The following PPP4R4 variants were observed in gnomAD, a reference collection of about 807,000 sequenced individuals.
PPP4R4 encodes the protein protein phosphatase 4 regulatory subunit 4.
In PPP4R4, 70 loss-of-function variants were observed where a neutral mutation model predicts 121.8. The ratio of observed to expected loss-of-function variants is 0.57; its 90% CI spans 0.47 to 0.70. PPP4R4 has a LOEUF of 0.70. Among genes scored for constraint, PPP4R4 ranks in the 30% least tolerant of loss-of-function variants. PPP4R4 has a pLI of 0.00. For synonymous variants in PPP4R4, 348 were observed against 355.7 expected (o/e 0.98, Z 0.24); for missense variants, 875 against 1,033.6 (o/e 0.85, Z 2.10).
rs766427508 is a variant in PPP4R4 at position 94,203,482 on chromosome 14, T to G, written c.192-4982T>G. Among the ~76,000 whole-genome samples the G allele has an allele frequency of 1.1e-4, 16 of 152,344 alleles. No individual in the cohort carries two copies. In the East Asian group the frequency reaches 1.3e-3, roughly 13 times the overall value. ...CATATCATTGTTTTCATATCTTTTT[T>G]TTGTTGTTGTTTTGTTCAAATAAAG... On this transcript the variant is annotated intron_variant, in intron 2 of 24. Transcript: ENST00000304338.
chr14:94,254,974 T>C (rs913749322), intron 16 of PPP4R4, among the ~76,000 whole-genome samples: 6 of 152,160 alleles, frequency 3.9e-5, no homozygotes, highest in African/African-American at 7.2e-5. Flanking sequence ...ACTGTACACA[T>C]TACTTTGGTG....
chr14:94,271,413 C>T (rs553360073), intron 23 of PPP4R4, among the ~76,000 whole-genome samples: 1 of 152,276 alleles, frequency 6.6e-6, no homozygotes, highest in East Asian at 1.9e-4. Flanking sequence ...GAAGAAAAAT[C>T]ACATGATCAT....
chr14:94,190,017 TG>T (rs1889507174), intron 2 of PPP4R4, among the ~76,000 whole-genome samples: 1 of 151,700 alleles, frequency 6.6e-6, no homozygotes. Context: ...CCCTTCTTCC[TG>T]TAGGTGCCAG....
At chr14:94,255,713 C>G (rs990530831) in intron 16 of PPP4R4, among the ~76,000 whole-genome samples, 5 of 152,132 alleles carry the variant, frequency 3.3e-5, no homozygotes, top group Non-Finnish European at 7.4e-5. Context: ...AAGAGCTTTT[C>G]CTATTGTTTC....
chr14:94,241,194 ACT>A (rs1442404866), intron 9 of PPP4R4, among the ~76,000 whole-genome samples: 2 of 152,022 alleles, frequency 1.3e-5, no homozygotes, highest in African/African-American at 4.8e-5. Context: ...TAATGCCATA[ACT>A]CTTGGCATTT....
chr14:94,181,334 G>A (rs1447467896), intron 2 of PPP4R4, among the ~76,000 whole-genome samples: 1 of 152,078 alleles, frequency 6.6e-6, no homozygotes, highest in African/African-American at 2.4e-5. Context: ...TGAGTGACCA[G>A]TATTGCTTGC....
rs527471966 is a variant in PPP4R4 at position 94,270,041 on chromosome 14, G to A, written c.2449+3012G>A. Reference sequence around the variant, plus strand: ...TGTAAGCTGTTAGTAGAGGAAATTGGATGAGGGGAATATATGAGAATTATT... The same window carrying A: ...TGTAAGCTGTTAGTAGAGGAAATTGAATGAGGGGAATATATGAGAATTATT... On this transcript the variant is annotated intron_variant, in intron 23 of 24. Coordinates refer to ENST00000304338, the MANE Select transcript of PPP4R4 (RefSeq NM_058237.2). Among the ~76,000 whole-genome samples the A allele has an allele frequency of 3.3e-5, 5 of 152,246 alleles. No homozygotes were observed. In the South Asian group the frequency reaches 1.0e-3, roughly 32 times the overall value.
At chr14:94,222,660 G>T (rs1891473534) in intron 3 of PPP4R4, among the ~76,000 whole-genome samples, 1 of 149,682 alleles carries the variant, frequency 6.7e-6, no homozygotes, top group South Asian at 2.1e-4. Flanking sequence ...TTGTCTGTTT[G>T]AAAATGTCTT....
At chr14:94,265,997 TA>T in intron 22 of PPP4R4, 110 bp downstream of exon 22, 1 of 725,532 alleles carries the variant, frequency 1.4e-6, no homozygotes, top group Non-Finnish European at 2.2e-6. Context: ...GAGGTTTTTT[TA>T]TAGGCCAGTA....
At chr14:94,196,309 G>T (rs1595461103) in intron 2 of PPP4R4, among the ~76,000 whole-genome samples, 4 of 88,360 alleles carry the variant, frequency 4.5e-5, no homozygotes, top group Non-Finnish European at 6.1e-5. Context: ...TCTTTCAAAG[G>T]TTTTTTTTTT....
intron 12 of PPP4R4, among the ~76,000 whole-genome samples, chr14:94,245,150 T>A (rs904235252): frequency 2.6e-5 from 4 of 152,188 alleles, no homozygotes; most frequent in African/African-American, 9.6e-5. Flanking sequence ...TATGTACTTA[T>A]GAAGACTTTG....
Position 94,262,426 on chromosome 14 carries a change from T to G in PPP4R4, c.2128-2452T>G, listed in dbSNP as rs150512073. Among the ~76,000 whole-genome samples the G allele has an allele frequency of 1.4e-3, 213 of 152,044 alleles. 2 individuals are homozygous for G. Among genetic ancestry groups the G allele is most frequent in the African/African-American group, 5.0e-3 (206 of 41,538 alleles). Reference sequence around the variant, plus strand: ...TTGTGTTAGGGATTTCCTCTCTCCTTTTTTTGGAAATTTTTTTTGCTTGTT... The same window carrying G: ...TTGTGTTAGGGATTTCCTCTCTCCTGTTTTTGGAAATTTTTTTTGCTTGTT... On this transcript the variant is annotated intron_variant, in intron 19 of 24. Transcript: ENST00000304338.
At chr14:94,240,523 A>G (rs1170226654) in intron 8 of PPP4R4, 150 bp from the exon 9 acceptor site, 5 of 784,558 alleles carry the variant, frequency 6.4e-6, no homozygotes, top group African/African-American at 1.8e-5. Context: ...TTCACCACCC[A>G]CCTCCATCGT....
At chr14:94,244,844 G>T (rs916609075) in intron 12 of PPP4R4, 132 bp downstream of exon 12, 1 of 810,456 alleles carries the variant, frequency 1.2e-6, no homozygotes, top group Non-Finnish European at 1.7e-6. Flanking sequence ...TCAAATTGTT[G>T]TACCACTATA....
At chr14:94,271,714 GATAACATGAT>G (rs1894342123) in intron 23 of PPP4R4, among the ~76,000 whole-genome samples, 1 of 152,108 alleles carries the variant, frequency 6.6e-6, no homozygotes, top group African/African-American at 2.4e-5. Flanking sequence ...TTTGATCACA[GATAACATGAT>G]CATCTATGTA....
At position 94,188,743 on chromosome 14, in the gene PPP4R4, A is replaced by G. The variant is rs79510437; in HGVS notation, c.191+12616A>G. Among the ~76,000 whole-genome samples, 455 of 152,272 alleles carry G rather than the reference A, an allele frequency of 3.0e-3. 2 individuals carry two copies. Among genetic ancestry groups the G allele is most frequent in the African/African-American group, 0.01 (434 of 41,582 alleles). ...AGATCTTAAGTATTCTCACCACAAAAAGTCAGTATGTGAGGTGATGGACAT... is the reference window on the plus strand; with the variant it reads ...AGATCTTAAGTATTCTCACCACAAAGAGTCAGTATGTGAGGTGATGGACAT... On this transcript the variant is annotated intron_variant, in intron 2 of 24. Transcript: ENST00000304338.
intron 23 of PPP4R4, among the ~76,000 whole-genome samples, chr14:94,274,524 C>T (rs1001301300): frequency 6.6e-6 from 1 of 152,098 alleles, no homozygotes; most frequent in African/African-American, 2.4e-5. Context: ...AGATGCTTAA[C>T]GTCCTAATCA....
At chr14:94,234,714 C>G (rs773908582) in intron 7 of PPP4R4, 45 bp downstream of exon 7, 1 of 1,298,240 alleles carries the variant, frequency 7.7e-7, no homozygotes, top group Non-Finnish European at 1.1e-6. Context: ...TGAAAACATG[C>G]CATTGAAAGG....
intron 3 of PPP4R4, among the ~76,000 whole-genome samples, chr14:94,230,185 A>T (rs1474995167): frequency 6.6e-6 from 1 of 152,202 alleles, no homozygotes; most frequent in African/African-American, 2.4e-5. Flanking sequence ...AAACACAAAT[A>T]CAAATAATGG....
Sources: allele counts gnomAD v4.1 joint callset (sites outside exome capture counted in the v4.1 genomes callset), GRCh38; gene constraint gnomAD v4.1.1; transcripts MANE v1.5; gene names NCBI Gene and HGNC (gene_info 2026-07-23, HGNC 2026-07-21).